SLC35F1: variants seen among roughly 807,000 people sequenced by gnomAD.
SLC35F1 encodes the protein chromosome 6 open reading frame 169.
A neutral mutation model predicts 48.7 loss-of-function variants in SLC35F1; 14 were observed. The ratio of observed to expected loss-of-function variants is 0.29; its 90% CI spans 0.19 to 0.45. The LOEUF (loss-of-function observed/expected upper bound fraction) is 0.45, where lower values mean the gene tolerates loss of function less well. Ranked by LOEUF, SLC35F1 falls within the 20% of genes least tolerant of loss-of-function variation. The probability of loss-of-function intolerance (pLI) is 1.00; values close to 1 mark genes in which losing one functional copy is unlikely to be tolerated. For synonymous variants in SLC35F1, 190 were observed against 202.2 expected (o/e 0.94, Z 0.51); for missense variants, 404 against 500.0 (o/e 0.81, Z 1.83).
intron 6 of SLC35F1, among the ~76,000 whole-genome samples, chr6:118,278,457 A>T (rs1032979166): frequency 6.6e-6 from 1 of 152,294 alleles, no homozygotes; most frequent in East Asian, 1.9e-4. Context: ...GCATCACTTT[A>T]CCTACCTGTC....
chr6:118,264,532 A>G (rs1425861376), intron 3 of SLC35F1, among the ~76,000 whole-genome samples: 1 of 152,230 alleles, frequency 6.6e-6, no homozygotes, highest in Non-Finnish European at 1.5e-5. Context: ...CATTAGAGGA[A>G]TAGATCTCAG....
At chr6:117,922,975 T>C (rs1338977) in intron 1 of SLC35F1, among the ~76,000 whole-genome samples, 70,774 of 151,996 alleles carry the variant, frequency 0.47, 18,910 homozygotes, top group South Asian at 0.73. Flanking sequence ...TCATCTTTGC[T>C]ATCTTTAAAA....
rs1447326145 is a variant in SLC35F1, at chr6:118,285,353, T to C, written c.1002+15T>C. On this transcript the variant is annotated intron_variant, in intron 7 of 7. Transcript: ENST00000360388. Reference sequence around the variant, plus strand: ...TCCACTACAAGGTAAGTTGAGTGAGTGCTCCTTTGTGAAGATGATACTTTG... The same window carrying C: ...TCCACTACAAGGTAAGTTGAGTGAGCGCTCCTTTGTGAAGATGATACTTTG... The C allele has an allele frequency of 1.2e-6, 2 of 1,613,516 alleles. No individual in the cohort carries two copies. The highest frequency in any genetic ancestry group is 4.5e-5 in the East Asian group (2 of 44,874).
intron 1 of SLC35F1, among the ~76,000 whole-genome samples, chr6:117,908,825 G>A (rs989574249): frequency 3.3e-5 from 5 of 152,154 alleles, no homozygotes; most frequent in African/African-American, 1.2e-4. Context: ...GGATGCGTGG[G>A]TGCCTTTCGA....
chr6:118,072,571 GA>G lies in SLC35F1; in HGVS notation c.174-81864del, dbSNP rs555735923. On this transcript the variant is annotated intron_variant, in intron 1 of 7. Coordinates refer to ENST00000360388, the MANE Select transcript of SLC35F1 (RefSeq NM_001029858.4). ...AGAGTGAGATTCTGCCTCAAAAAAA[GA>G]AAAAAAAAATTAGAGGATTTCTTTT... Among the ~76,000 whole-genome samples the G allele has an allele frequency of 5.3e-4, 79 of 148,126 alleles. No individual in the cohort carries two copies. The South Asian group carries it at 7.2e-3, about 14-fold the overall frequency.
chr6:118,234,452 T>C (rs928598), intron 2 of SLC35F1, among the ~76,000 whole-genome samples: 139,638 of 152,196 alleles, frequency 0.92, 64,182 homozygotes, highest in East Asian at 0.98. Context: ...AAGGGACCAA[T>C]GCCCACCCAC....
chr6:117,981,031 G>C (rs973998933), intron 1 of SLC35F1, among the ~76,000 whole-genome samples: 1 of 152,232 alleles, frequency 6.6e-6, no homozygotes, highest in East Asian at 1.9e-4. Context: ...AGAAGCAGAG[G>C]TGGGGAAAGG....
chr6:118,084,445 G>A (rs990894944), intron 1 of SLC35F1, among the ~76,000 whole-genome samples: 1 of 152,064 alleles, frequency 6.6e-6, no homozygotes, highest in Non-Finnish European at 1.5e-5. Flanking sequence ...ATACAAGGCT[G>A]TTCTCTGAAC....
intron 1 of SLC35F1, among the ~76,000 whole-genome samples, chr6:117,929,309 C>A (rs1776069413): frequency 6.6e-6 from 1 of 152,030 alleles, no homozygotes; most frequent in African/African-American, 2.4e-5. Flanking sequence ...CAGTGACTGG[C>A]TTTTTGTGTG....
intron 1 of SLC35F1, among the ~76,000 whole-genome samples, chr6:117,935,494 G>A (rs996173928): frequency 1.3e-5 from 2 of 152,244 alleles, no homozygotes; most frequent in African/African-American, 2.4e-5. Context: ...AATATATATT[G>A]TTGATTCATA....
chr6:118,099,573 T>C (rs896976051), intron 1 of SLC35F1, among the ~76,000 whole-genome samples: 3 of 151,480 alleles, frequency 2.0e-5, no homozygotes, highest in African/African-American at 4.9e-5. Flanking sequence ...CCACTGACTC[T>C]CAGAGCCTGA....
rs867883291 is a variant in SLC35F1 at position 118,127,699 on chromosome 6, T to C, written c.174-26746T>C. ...GACTTAAACGTTAGACCTAAAACCA[T>C]AAAAACCCTAGAAGAAAACCTAGGC... On this transcript the variant is annotated intron_variant, in intron 1 of 7. Transcript: ENST00000360388. 7.2e-4 allele frequency among the ~76,000 whole-genome samples: 109 copies of C among 151,790 alleles called. No individual in the cohort carries two copies. The Middle Eastern group carries it at 0.02, about 28-fold the overall frequency.
At chr6:118,106,638 A>C (rs1452720541) in intron 1 of SLC35F1, among the ~76,000 whole-genome samples, 1 of 152,230 alleles carries the variant, frequency 6.6e-6, no homozygotes, top group Non-Finnish European at 1.5e-5. Context: ...CATAACAAAA[A>C]GACTACTGTT....
intron 1 of SLC35F1, among the ~76,000 whole-genome samples, chr6:118,058,309 A>G (rs557184355): frequency 1.3e-5 from 2 of 152,244 alleles, no homozygotes; most frequent in African/African-American, 2.4e-5. Context: ...TACTCCATAA[A>G]CTAGGAACCC....
chr6:118,094,623 G>A (rs1773122749), intron 1 of SLC35F1, among the ~76,000 whole-genome samples: 3 of 152,086 alleles, frequency 2.0e-5, no homozygotes, highest in African/African-American at 7.2e-5. Flanking sequence ...CCAGGAGAGT[G>A]TGTTGTCCTG....
rs922104525 is a variant in SLC35F1 at position 118,123,171 on chromosome 6, A to G, written c.174-31274A>G. Among the ~76,000 whole-genome samples, 14 of 152,272 alleles carry G rather than the reference A, an allele frequency of 9.2e-5. No homozygotes were observed. In the Middle Eastern group the frequency reaches 0.01, roughly 111 times the overall value. On this transcript the variant is annotated intron_variant, in intron 1 of 7. Transcript: ENST00000360388. ...TATAATAAATACCCATCTATAAACT[A>G]GAGATAAAAACCTGGGAGAAACACT... is the stretch of plus-strand genomic sequence containing the variant.
At chr6:118,139,270 G>A (rs1041186492) in intron 1 of SLC35F1, among the ~76,000 whole-genome samples, 17 of 152,012 alleles carry the variant, frequency 1.1e-4, no homozygotes, top group African/African-American at 4.1e-4. Context: ...CTGCCACCAT[G>A]CCCGGCTAAT....
At chr6:118,272,637 A>C (rs776204857) in intron 4 of SLC35F1, among the ~76,000 whole-genome samples, 8 of 151,542 alleles carry the variant, frequency 5.3e-5, no homozygotes, top group Non-Finnish European at 1.2e-4. Flanking sequence ...TTAGCTAAGC[A>C]AACTTCTTAA....
chr6:118,030,249 G>C (rs1772026209), intron 1 of SLC35F1, among the ~76,000 whole-genome samples: 1 of 152,182 alleles, frequency 6.6e-6, no homozygotes, highest in African/African-American at 2.4e-5. Context: ...TCAGAGGTTT[G>C]TGTCTGAGTT....
Sources: allele counts gnomAD v4.1 joint callset (sites outside exome capture counted in the v4.1 genomes callset), GRCh38; gene constraint gnomAD v4.1.1; transcripts MANE v1.5; gene names NCBI Gene and HGNC (gene_info 2026-07-23, HGNC 2026-07-21).